The following MDN1 variants were observed in gnomAD, a reference collection of about 807,000 sequenced individuals.
MDN1 encodes midasin AAA ATPase 1, also known as midasin.
MDN1 carries 266 observed loss-of-function variants against 669.2 expected under a neutral mutation model. The observed-to-expected ratio is 0.40, with a 90% confidence interval of 0.36 to 0.44. The LOEUF (loss-of-function observed/expected upper bound fraction) is 0.44, where lower values mean the gene tolerates loss of function less well. MDN1 is among the 20% of genes least tolerant of loss of function. MDN1 has a pLI of 1.00. For missense variants in MDN1, 5,940 were observed against 6,754.0 expected, an observed-to-expected ratio of 0.88 and a Z score of 4.22; for synonymous variants, 2,385 against 2,457.1, an observed-to-expected ratio of 0.97 and a Z score of 0.87.
chr6:89,745,565 G>A lies in MDN1; in HGVS notation c.3966C>T (p.Val1322=). 1 of 1,614,100 alleles carries A rather than the reference G, an allele frequency of 6.2e-7. No homozygotes were observed. The highest frequency in any genetic ancestry group is 8.5e-7 in the Non-Finnish European group (1 of 1,180,002). Residue 1322 remains valine (V), a synonymous_variant, in exon 28 of 102, where the codon GTC becomes GTT. Transcript: ENST00000369393. ...KQEEIDVIQE[V]LEKHFKKKLC... is the part of the protein sequence containing the mutation. ...ATTTTTTCTTGAAATGTTTCTCAAG[G>A]ACTTCTTGAATCACATCAATTTCCT...
chr6:89,754,099 T>C lies in MDN1; in HGVS notation c.2948A>G (p.Gln983Arg), dbSNP rs1397019304. 6.2e-7 allele frequency: 1 copy of C among 1,614,010 alleles called. No homozygotes were observed. Among genetic ancestry groups the C allele is most frequent in the Non-Finnish European group, 8.5e-7 (1 of 1,179,970 alleles). Reference protein sequence around the residue: ...FAASNPCGNIQRSLYEGFCLG... With the variant: ...FAASNPCGNIRRSLYEGFCLG... ...CAGAAAGACCTCATAGAGTGAGCGC[T>C]GAATGTTGCCACATGGATTGGAGGC... The change falls in exon 21 of 102, where the codon CAG becomes CGG. Residue 983 changes from glutamine to arginine, a missense_variant. Transcript: ENST00000369393.
intron 63 of MDN1, among the ~76,000 whole-genome samples, chr6:89,691,238 G>C (rs1162219000): frequency 6.6e-6 from 1 of 152,228 alleles, no homozygotes; most frequent in African/African-American, 2.4e-5. Flanking sequence ...GAAACACTTA[G>C]ACTAGGGACT....
At chr6:89,738,196 T>G in intron 33 of MDN1, 130 bp downstream of exon 33, 1 of 1,050,042 alleles carries the variant, frequency 9.5e-7, no homozygotes, top group Non-Finnish European at 1.3e-6. Context: ...CTTTGTTTCA[T>G]TTACCTATCT....
At chr6:89,718,250 G>T in intron 43 of MDN1, 116 bp downstream of exon 43, 1 of 1,178,794 alleles carries the variant, frequency 8.5e-7, no homozygotes, top group Non-Finnish European at 1.2e-6. Context: ...TTTCCCACAA[G>T]TTCTGATTGT....
chr6:89,750,954 G>A (rs1234328530), intron 23 of MDN1, among the ~76,000 whole-genome samples: 2 of 148,560 alleles, frequency 1.3e-5, no homozygotes, highest in African/African-American at 5.0e-5. Flanking sequence ...TCATTTAACA[G>A]CATCATTAAA....
At chr6:89,810,174 G>A (rs927619024) in intron 1 of MDN1, among the ~76,000 whole-genome samples, 6 of 151,912 alleles carry the variant, frequency 3.9e-5, no homozygotes, top group South Asian at 2.1e-4. Context: ...AGTGGCTCAC[G>A]CCTGTAATCC....
rs1307578608 is a variant in MDN1 at position 89,683,241 on chromosome 6, GGCTGTTCTTCCTTGTCAC to G, written c.11975_11992del (p.Ser3992_Pro3998delinsThr). The G allele has an allele frequency of 1.9e-6, 3 of 1,614,054 alleles. No individual in the cohort carries two copies. Among genetic ancestry groups the G allele is most frequent in the Non-Finnish European group, 2.5e-6 (3 of 1,180,044 alleles). ...ATCTGTTGGCCTGGGCAAAAAGTCA[GGCTGTTCTTCCTTGTCAC>G]TCTCCACCAGGGATGACCGGCAGGG... On this transcript the variant is annotated inframe_deletion, in exon 73 of 102. Transcript: ENST00000369393.
At position 89,662,186 on chromosome 6, in the gene MDN1, G is replaced by C; in HGVS notation, c.14466C>G (p.Asn4822Lys). 1.2e-6 allele frequency: 2 copies of C among 1,613,504 alleles called. No individual in the cohort carries two copies. Among genetic ancestry groups the C allele is most frequent in the South Asian group, 1.1e-5 (1 of 91,030 alleles). The change falls in exon 87 of 102, where the codon AAC becomes AAG. Residue 4822 changes from asparagine to lysine, a missense_variant. Coordinates refer to ENST00000369393, the MANE Select transcript of MDN1 (RefSeq NM_014611.3). ...KDDNLDSGNSNKDKSQQDKKE... is the reference protein window; with the variant it reads ...KDDNLDSGNSKKDKSQQDKKE... ...TCTTATCTTGCTGGCTTTTATCTTT[G>C]TTTGAATTGCCACTATCCAAGTTGT...
intron 48 of MDN1, 119 bp from the exon 49 acceptor site, chr6:89,712,375 T>G: frequency 9.4e-7 from 1 of 1,069,022 alleles, no homozygotes; most frequent in African/African-American, 1.6e-5. Flanking sequence ...AAAAGGAGAG[T>G]CTCCCACAGA....
intron 10 of MDN1, 129 bp from the exon 11 acceptor site, chr6:89,780,422 G>A (rs1818609521): frequency 4.2e-6 from 2 of 474,454 alleles, no homozygotes; most frequent in South Asian, 5.9e-5. Flanking sequence ...TTCTGACAAT[G>A]CTTAGATAAA....
rs201213093 is a variant in MDN1, at chr6:89,685,810, G to GA, written c.11719+16dup. 1.3e-4 allele frequency: 214 copies of GA among 1,600,976 alleles called. No homozygotes were observed. Among genetic ancestry groups the GA allele is most frequent in the African/African-American group, 1.2e-3 (89 of 74,242 alleles). On this transcript the variant is annotated intron_variant, in intron 70 of 101. Coordinates refer to ENST00000369393, the MANE Select transcript of MDN1 (RefSeq NM_014611.3). ...TTAGTCGTGCAATGTCAAAGGAAAGGAAAAAAAAATCCTCACCCTTTCCTT... is the reference window on the plus strand; with the variant it reads ...TTAGTCGTGCAATGTCAAAGGAAAGGAAAAAAAAAATCCTCACCCTTTCCTT...
chr6:89,688,573 C>A lies in MDN1; in HGVS notation c.11259G>T (p.Gln3753His). ...ACTCCTTCCTCAACAGCTGCCCTAC[C>A]TGTTCAAGCGCTGGGTGTTCTGGCC... ...QDWPEHPALE[Q>H]LLVVMDRIRS... is the part of the protein sequence containing the mutation. Residue 3753 changes from glutamine to histidine, a missense_variant and splice_region_variant, in exon 66 of 102, where the codon CAG becomes CAT. Coordinates refer to ENST00000369393, the MANE Select transcript of MDN1 (RefSeq NM_014611.3). The A allele has an allele frequency of 1.2e-6, 2 of 1,612,878 alleles. No individual in the cohort carries two copies. Among genetic ancestry groups the A allele is most frequent in the Non-Finnish European group, 1.7e-6 (2 of 1,179,246 alleles).
At chr6:89,700,378 C>G in intron 56 of MDN1, 84 bp from the exon 57 acceptor site, 2 of 1,094,502 alleles carry the variant, frequency 1.8e-6, no homozygotes, top group Non-Finnish European at 2.7e-6. Flanking sequence ...TATGTGACTG[C>G]AAGCTTAACT....
At chr6:89,755,226 G>A (rs1817183067) in intron 20 of MDN1, among the ~76,000 whole-genome samples, 2 of 151,944 alleles carry the variant, frequency 1.3e-5, no homozygotes, top group Admixed American at 1.3e-4. Context: ...CTAAACACAT[G>A]CCTTGTTGAC....
At chr6:89,753,445 A>G (rs1017144193) in intron 22 of MDN1, 67 bp downstream of exon 22, 19 of 1,254,912 alleles carry the variant, frequency 1.5e-5, no homozygotes, top group Middle Eastern at 1.9e-4. Flanking sequence ...AAAAAAAACC[A>G]AACAGCTGAA....
intron 77 of MDN1, 89 bp downstream of exon 77, chr6:89,676,013 A>T: frequency 1.7e-6 from 2 of 1,152,072 alleles, no homozygotes; most frequent in South Asian, 1.3e-5. Flanking sequence ...GGCTGTTATC[A>T]CTTAACAAGG....
chr6:89,672,258 G>A lies in MDN1; in HGVS notation c.13736C>T (p.Ser4579Phe), dbSNP rs1171052563. The A allele has an allele frequency of 1.2e-6, 2 of 1,612,050 alleles. No homozygotes were observed. The highest frequency in any genetic ancestry group is 1.1e-5 in the South Asian group (1 of 90,392). The change falls in exon 82 of 102, where the codon TCC (serine) becomes TTC (phenylalanine). Residue 4579 changes from serine (S) to phenylalanine (F), a missense_variant. This residue lies in a region of MDN1 where 2,280 missense variants were observed against 2,576.3 expected (regional missense o/e 0.88). Coordinates refer to ENST00000369393, the MANE Select transcript of MDN1 (RefSeq NM_014611.3). The stretch of plus-strand genomic sequence containing the variant: ...CGATTTCAGCCTCTCCAACAGCTCG[G>A]AGATGGCAGAAATTATTTTCTGCAC... ...LHVQKIISAI[S>F]ELLERLKSYG...
chr6:89,737,718 G>A (rs912984451), intron 33 of MDN1, among the ~76,000 whole-genome samples: 1 of 119,230 alleles, frequency 8.4e-6, no homozygotes, highest in African/African-American at 3.2e-5. Context: ...TGCAATCCCA[G>A]CCTAATTTTT....
At chr6:89,650,984 C>T (rs2128298400) in intron 95 of MDN1, 137 bp from the exon 96 acceptor site, 2 of 617,328 alleles carry the variant, frequency 3.2e-6, no homozygotes, top group Non-Finnish European at 2.9e-6. Context: ...TAAATCTTCT[C>T]CCAGCAAGCT....
Sources: gnomAD v4.1 joint callset for allele counts (sites outside exome capture counted in the v4.1 genomes callset) on GRCh38, gnomAD v4.1.1 for gene constraint, gnomAD v4.1.1 regional missense constraint, MANE v1.5 for transcripts, NCBI Gene and HGNC (gene_info 2026-07-23, HGNC 2026-07-21) for gene names.